The following ITGAM variants were observed in gnomAD, a reference collection of about 807,000 sequenced individuals.
ITGAM encodes the protein integrin alpha-M.
A neutral mutation model predicts 137.5 loss-of-function variants in ITGAM; 79 were observed. The observed-to-expected ratio is 0.57, with a 90% CI of 0.48 to 0.69. ITGAM has a LOEUF of 0.69. Ranked by LOEUF, ITGAM falls within the 30% of genes least tolerant of loss-of-function variation. ITGAM has a pLI of 0.00. For missense variants in ITGAM, 1,343 were observed against 1,483.5 expected (o/e 0.91, Z 1.56); for synonymous variants, 583 against 592.3 (o/e 0.98, Z 0.23).
intron 8 of ITGAM, among the ~76,000 whole-genome samples, chr16:31,275,178 T>C (rs2079892768): frequency 6.6e-6 from 1 of 151,788 alleles, no homozygotes. Context: ...ATCAGTGTAA[T>C]CAAACTACTA....
At chr16:31,270,742 T>TATAAA (rs1343169219) in intron 5 of ITGAM, among the ~76,000 whole-genome samples, 1 of 109,894 alleles carries the variant, frequency 9.1e-6, no homozygotes, top group African/African-American at 4.0e-5. Flanking sequence ...TATATATATA[T>TATAAA]ATGTTTTTAA....
chr16:31,265,376 T>A lies in ITGAM; in HGVS notation c.135-19T>A, dbSNP rs1354934654. 6.7e-7 allele frequency: 1 copy of A among 1,494,490 alleles called. No homozygotes were observed. Among genetic ancestry groups the A allele is most frequent in the Non-Finnish European group, 9.1e-7 (1 of 1,096,556 alleles). 92.6% of individuals were successfully genotyped at this position (1,494,490 alleles called of 1,614,324 possible). ...TCCCCACATGTCGAAGTTTTCTCTG[T>A]TCCCACTTCTCCCCACAGGGTGGTG... On this transcript the variant is annotated intron_variant, in intron 2 of 29. Transcript: ENST00000544665.
At chr16:31,263,412 A>T (rs1249479755) in intron 2 of ITGAM, among the ~76,000 whole-genome samples, 3 of 152,152 alleles carry the variant, frequency 2.0e-5, no homozygotes, top group Non-Finnish European at 4.4e-5. Context: ...GTGCAATTTT[A>T]ATAGATTTTT....
At chr16:31,290,133 G>A (rs2080072888) in intron 12 of ITGAM, among the ~76,000 whole-genome samples, 2 of 147,220 alleles carry the variant, frequency 1.4e-5, no homozygotes, top group African/African-American at 2.5e-5. Flanking sequence ...TATTGATCTT[G>A]TATCCAAAAC....
intron 14 of ITGAM, among the ~76,000 whole-genome samples, chr16:31,306,810 G>A (rs1209341447): frequency 2.0e-5 from 3 of 152,164 alleles, no homozygotes; most frequent in Middle Eastern, 3.4e-3. Flanking sequence ...ATGTCTGGCC[G>A]CAAAGTACTC....
In ITGAM at chr16:31,331,793, G is replaced by C; in HGVS notation, c.*86G>C. The C allele has an allele frequency of 9.7e-7, 1 of 1,033,358 alleles. No homozygotes were observed. The highest frequency in any genetic ancestry group is 1.6e-5 in the South Asian group (1 of 64,038). The allele number at this position is 1,033,358 out of a possible 1,614,324, so 64.0% of individuals were successfully genotyped here. On this transcript the variant is annotated 3_prime_UTR_variant, in exon 30 of 30. Coordinates refer to ENST00000544665, the MANE Select transcript of ITGAM (RefSeq NM_000632.4). ...TAGCCCCCAGGCTGCTGGACACGTC[G>C]GACAGCGAAGTATCCCCGACAGGAC... is the stretch of plus-strand genomic sequence containing the variant.
At position 31,312,890 on chromosome 16, in the gene ITGAM, T is replaced by A. The variant is rs1163100381; in HGVS notation, c.1708-8351T>A. Among the ~76,000 whole-genome samples the A allele has an allele frequency of 6.7e-4, 89 of 132,576 alleles. No individual in the cohort carries two copies. In the East Asian group the frequency reaches 6.7e-3, roughly 10 times the overall value. The allele number at this position is 132,576 out of a possible 152,430, so 87.0% of individuals were successfully genotyped here. ...GGAGCAGTCTTTTTTTTTTTTTTTT[T>A]AAATCTTCATGTTTTTATTTATTTT... On this transcript the variant is annotated intron_variant, in intron 14 of 29. Coordinates refer to ENST00000544665, the MANE Select transcript of ITGAM (RefSeq NM_000632.4).
intron 14 of ITGAM, among the ~76,000 whole-genome samples, chr16:31,303,313 C>T: frequency 6.6e-6 from 1 of 152,100 alleles, no homozygotes; most frequent in East Asian, 1.9e-4. Context: ...AGATGTGAGC[C>T]ACTGCACCCA....
chr16:31,308,301 C>G (rs2080286570), intron 14 of ITGAM, among the ~76,000 whole-genome samples: 1 of 152,048 alleles, frequency 6.6e-6, no homozygotes, highest in Non-Finnish European at 1.5e-5. Context: ...GGTTGGTAAG[C>G]TATTAGTTAT....
At chr16:31,312,589 G>C (rs1412592879) in intron 14 of ITGAM, among the ~76,000 whole-genome samples, 1 of 151,996 alleles carries the variant, frequency 6.6e-6, no homozygotes, top group African/African-American at 2.4e-5. Flanking sequence ...ACCATACCTG[G>C]CTAATATTTA....
chr16:31,272,034 C>T, intron 7 of ITGAM, 42 bp downstream of exon 7: 1 of 1,612,072 alleles, frequency 6.2e-7, no homozygotes, highest in Non-Finnish European at 8.5e-7. Flanking sequence ...GAGGAGGAGA[C>T]ACTTTTAGCT....
At position 31,324,465 on chromosome 16, in the gene ITGAM, T is replaced by A. The variant is rs547963385; in HGVS notation, c.2069T>A (p.Val690Asp). ...TCCGGCCGCCCACATTCCCGCGCCGTCTTCAATGAGACAAAGAACAGCACA... is the reference window on the plus strand; with the variant it reads ...TCCGGCCGCCCACATTCCCGCGCCGACTTCAATGAGACAAAGAACAGCACA... ...LDSGRPHSRA[V>D]FNETKNSTRR... Residue 690 changes from valine (V) to aspartate (D), a missense_variant, in exon 17 of 30, where the codon GTC becomes GAC. Coordinates refer to ENST00000544665, the MANE Select transcript of ITGAM (RefSeq NM_000632.4). The surrounding 1 kb of genome is among the most constrained non-coding windows in gnomAD (Gnocchi z 4.5). 6.4e-7 allele frequency: 1 copy of A among 1,573,300 alleles called. No homozygotes were observed.
At chr16:31,290,080 C>CAAAAAAA (rs780127045) in intron 12 of ITGAM, among the ~76,000 whole-genome samples, 6 of 56,114 alleles carry the variant, frequency 1.1e-4, no homozygotes, top group Middle Eastern at 0.011. Flanking sequence ...AAACTCCATC[C>CAAAAAAA]AAAAAAAAAA....
intron 12 of ITGAM, among the ~76,000 whole-genome samples, chr16:31,283,030 A>C (rs2079987097): frequency 6.6e-6 from 1 of 152,160 alleles, no homozygotes; most frequent in African/African-American, 2.4e-5. Context: ...TTTCTCTAAG[A>C]ATGTTGAATA....
At chr16:31,325,453 C>T (rs754586793) in intron 20 of ITGAM, 47 bp from the exon 21 acceptor site, 10 of 1,612,816 alleles carry the variant, frequency 6.2e-6, no homozygotes, top group African/African-American at 1.3e-5. Context: ...TCCCCATCCT[C>T]ACGGCCGGAG....
At chr16:31,288,533 G>T (rs970501629) in intron 12 of ITGAM, among the ~76,000 whole-genome samples, 1 of 152,146 alleles carries the variant, frequency 6.6e-6, no homozygotes, top group Non-Finnish European at 1.5e-5. Context: ...AATAAATGGT[G>T]CTGGGAAAAC....
chr16:31,304,009 A>G (rs796295081), intron 14 of ITGAM, among the ~76,000 whole-genome samples: 7 of 152,226 alleles, frequency 4.6e-5, no homozygotes, highest in African/African-American at 1.7e-4. Context: ...CAAATGGTAG[A>G]TCTACTATTA....
intron 14 of ITGAM, among the ~76,000 whole-genome samples, chr16:31,310,557 A>G (rs1007546066): frequency 3.9e-5 from 6 of 151,928 alleles, no homozygotes; most frequent in Non-Finnish European, 7.4e-5. Flanking sequence ...AGGTCCTTTA[A>G]GGACTTCTCC....
chr16:31,279,617 C>T (rs1191513566), intron 12 of ITGAM, among the ~76,000 whole-genome samples: 5 of 152,052 alleles, frequency 3.3e-5, no homozygotes, highest in African/African-American at 9.7e-5. Context: ...TGTTTAAGTT[C>T]TTTGTAGATT....
Sources: allele counts gnomAD v4.1 joint callset (sites outside exome capture counted in the v4.1 genomes callset), GRCh38; gene constraint gnomAD v4.1.1; non-coding constraint Gnocchi (gnomAD v3.1); transcripts MANE v1.5; gene names NCBI Gene and HGNC (gene_info 2026-07-23, HGNC 2026-07-21).